ADAMTSL3: variants seen among roughly 807,000 people sequenced by gnomAD.
ADAMTSL3 encodes ADAMTS like 3, also known as ADAMTS-like protein 3.
ADAMTSL3 carries 128 observed loss-of-function variants against 201.7 expected under a neutral mutation model. That is an observed-to-expected ratio of 0.63 (90% CI 0.55 to 0.73). The LOEUF (loss-of-function observed/expected upper bound fraction) is 0.73, where lower values mean the gene tolerates loss of function less well. ADAMTSL3 is among the 30% of genes least tolerant of loss of function. The probability of loss-of-function intolerance (pLI) is 0.00; values close to 1 mark genes in which losing one functional copy is unlikely to be tolerated. For synonymous variants in ADAMTSL3, 738 were observed against 748.4 expected (o/e 0.99, Z 0.23); for missense variants, 1,990 against 2,119.6 (o/e 0.94, Z 1.20).
At position 83,858,786 on chromosome 15, in the gene ADAMTSL3, G is replaced by C; in HGVS notation, c.748G>C (p.Val250Leu). ...PEKREENVIA[V>L]PLGSRSVRIT... ...CCCAGGAGAAGAAAATGTAATTGCTGTTCCTTTGGGAAGTCGAAGTGTGAG... is the reference window on the plus strand; with the variant it reads ...CCCAGGAGAAGAAAATGTAATTGCTCTTCCTTTGGGAAGTCGAAGTGTGAG... The change falls in exon 8 of 30, where the codon GTT (valine) becomes CTT (leucine). Residue 250 changes from valine (V) to leucine (L), a missense_variant. Val to Leu is a conservative substitution (Grantham distance 32). Coordinates refer to ENST00000286744, the MANE Select transcript of ADAMTSL3 (RefSeq NM_207517.3). The C allele has an allele frequency of 6.2e-7, 1 of 1,613,776 alleles. No homozygotes were observed. Among genetic ancestry groups the C allele is most frequent in the Non-Finnish European group, 8.5e-7 (1 of 1,179,790 alleles).
chr15:83,894,937 A>G (rs1356401838), intron 13 of ADAMTSL3, among the ~76,000 whole-genome samples: 2 of 152,222 alleles, frequency 1.3e-5, no homozygotes, highest in African/African-American at 2.4e-5. Context: ...GATAGAAGAT[A>G]AGTGGAACTT....
chr15:83,659,477 C>CT (rs1258299033), intron 2 of ADAMTSL3, among the ~76,000 whole-genome samples: 1 of 152,086 alleles, frequency 6.6e-6, no homozygotes, highest in Non-Finnish European at 1.5e-5. Flanking sequence ...TTACAGAGGG[C>CT]TTTGAGGTAG....
rs905899724 is a variant in ADAMTSL3 at position 83,884,596 on chromosome 15, A to G, written c.961-505A>G. Among the ~76,000 whole-genome samples, 7 of 152,218 alleles carry G rather than the reference A, an allele frequency of 4.6e-5. No homozygotes were observed. The East Asian group carries it at 1.4e-3, about 29-fold the overall frequency. ...GGCCCCCATTTCCTTTTAATTAGAT[A>G]CTAGACTGTTTAAACACCATATATT... On this transcript the variant is annotated intron_variant, in intron 9 of 29. Coordinates refer to ENST00000286744, the MANE Select transcript of ADAMTSL3 (RefSeq NM_207517.3).
In ADAMTSL3 at chr15:83,745,968, G is replaced by A. The variant is rs146094004; in HGVS notation, c.190-27555G>A. On this transcript the variant is annotated intron_variant, in intron 3 of 29. Coordinates refer to ENST00000286744, the MANE Select transcript of ADAMTSL3 (RefSeq NM_207517.3). ...CAACCCTCTATCAGTTATTAGTGTT[G>A]TCAGCTGCAGGGAACATAATGCCAT... Among the ~76,000 whole-genome samples, 652 of 152,174 alleles carry A rather than the reference G, an allele frequency of 4.3e-3. 3 individuals are homozygous for A. Among genetic ancestry groups the A allele is most frequent in the African/African-American group, 0.015 (619 of 41,534 alleles).
rs1167838070 is a variant in ADAMTSL3, at chr15:84,025,396, G to A, written c.4616G>A (p.Cys1539Tyr). The change falls in exon 27 of 30, where the codon TGT (cysteine) becomes TAT (tyrosine). Residue 1539 changes from cysteine to tyrosine, a missense_variant. Cys to Tyr is a radical substitution (Grantham distance 194, BLOSUM62 -2). Coordinates refer to ENST00000286744, the MANE Select transcript of ADAMTSL3 (RefSeq NM_207517.3). ...PKDRPLGRKPCFGHPCVQWEP... is the reference protein window; with the variant it reads ...PKDRPLGRKPYFGHPCVQWEP... ...GACCGGCCTCTGGGAAGAAAACCAT[G>A]TTTTGGTCATCCATGTGTTCAGTGG... The A allele has an allele frequency of 1.9e-6, 3 of 1,614,076 alleles. No homozygotes were observed. The highest frequency in any genetic ancestry group is 2.2e-5 in the South Asian group (2 of 91,062).
intron 20 of ADAMTSL3, among the ~76,000 whole-genome samples, chr15:83,978,818 A>C (rs1456351887): frequency 2.0e-5 from 3 of 152,234 alleles, no homozygotes; most frequent in East Asian, 3.8e-4. Context: ...CTGGGGCCAC[A>C]AGGCCTGCCT....
intron 3 of ADAMTSL3, among the ~76,000 whole-genome samples, chr15:83,742,041 CT>C (rs1485475192): frequency 6.6e-6 from 1 of 152,000 alleles, no homozygotes; most frequent in Non-Finnish European, 1.5e-5. Context: ...AATATGTCTT[CT>C]TTTAAAAAAC....
intron 4 of ADAMTSL3, among the ~76,000 whole-genome samples, chr15:83,796,666 T>C (rs2063433053): frequency 1.3e-5 from 2 of 152,214 alleles, no homozygotes; most frequent in Admixed American, 1.3e-4. Context: ...GGGACTTGCC[T>C]GGACAATTAA....
At chr15:83,850,952 G>A (rs1013080839) in intron 7 of ADAMTSL3, among the ~76,000 whole-genome samples, 2 of 152,026 alleles carry the variant, frequency 1.3e-5, no homozygotes, top group Non-Finnish European at 2.9e-5. Flanking sequence ...TATATCCTGC[G>A]CCCGTGCTGC....
chr15:83,869,187 T>C (rs574840655), intron 8 of ADAMTSL3, among the ~76,000 whole-genome samples: 1 of 152,310 alleles, frequency 6.6e-6, no homozygotes, highest in East Asian at 1.9e-4. Context: ...TGCATCTTAA[T>C]ATTGCCTTAA....
intron 19 of ADAMTSL3, among the ~76,000 whole-genome samples, chr15:83,946,781 C>A (rs2066662537): frequency 6.6e-6 from 1 of 152,154 alleles, no homozygotes. Context: ...CTGGTTTGGA[C>A]TGGAGGCTGT....
chr15:83,730,102 G>A (rs925251571), intron 3 of ADAMTSL3, among the ~76,000 whole-genome samples: 5 of 152,064 alleles, frequency 3.3e-5, no homozygotes, highest in Non-Finnish European at 2.9e-5. Context: ...ACCACTCAGC[G>A]TGATGATTCA....
chr15:83,727,190 C>T (rs577051723), intron 3 of ADAMTSL3, among the ~76,000 whole-genome samples: 2 of 151,616 alleles, frequency 1.3e-5, no homozygotes, highest in African/African-American at 2.4e-5. Flanking sequence ...CATATAGTTG[C>T]TCGTAATAAC....
At chr15:83,920,328 T>A (rs2066115641) in intron 16 of ADAMTSL3, among the ~76,000 whole-genome samples, 1 of 152,190 alleles carries the variant, frequency 6.6e-6, no homozygotes, top group Admixed American at 6.5e-5. Flanking sequence ...CTTGACATAA[T>A]TGGTCACTTC....
intron 6 of ADAMTSL3, among the ~76,000 whole-genome samples, chr15:83,830,359 G>A (rs1366737903): frequency 6.6e-6 from 1 of 152,168 alleles, no homozygotes; most frequent in African/African-American, 2.4e-5. Flanking sequence ...CATAATTGAA[G>A]GAACTAGCAC....
intron 6 of ADAMTSL3, among the ~76,000 whole-genome samples, chr15:83,826,845 C>A (rs1289610605): frequency 3.3e-5 from 5 of 151,384 alleles, no homozygotes; most frequent in South Asian, 2.1e-4. Flanking sequence ...TGAACTCATC[C>A]TTTTTTATGG....
intron 2 of ADAMTSL3, among the ~76,000 whole-genome samples, chr15:83,689,857 T>C (rs1420900068): frequency 2.6e-5 from 4 of 152,204 alleles, no homozygotes; most frequent in Admixed American, 6.5e-5. Flanking sequence ...ATTTATACTT[T>C]GAATGTTGTG....
At chr15:83,734,390 A>G (rs2062335945) in intron 3 of ADAMTSL3, among the ~76,000 whole-genome samples, 1 of 152,056 alleles carries the variant, frequency 6.6e-6, no homozygotes, top group Admixed American at 6.6e-5. Flanking sequence ...AAACAAAACC[A>G]TGTTAACTTT....
intron 23 of ADAMTSL3, among the ~76,000 whole-genome samples, chr15:84,002,150 G>A (rs775273734): frequency 2.0e-5 from 3 of 152,162 alleles, no homozygotes. Flanking sequence ...ACATGGGCCT[G>A]TATACAATCA....
Sources: gnomAD v4.1 joint callset for allele counts (sites outside exome capture counted in the v4.1 genomes callset) on GRCh38, gnomAD v4.1.1 for gene constraint, MANE v1.5 for transcripts, NCBI Gene and HGNC (gene_info 2026-07-23, HGNC 2026-07-21) for gene names.